The following SYNPR variants were observed in gnomAD, a reference collection of about 807,000 sequenced individuals.
SYNPR encodes synaptoporin.
Under a neutral mutation model 32.9 loss-of-function variants are expected in SYNPR, and 23 were observed. That is an observed-to-expected ratio of 0.70 (90% confidence interval 0.50 to 0.99). The LOEUF is 0.99. SYNPR is among the 50% of genes least tolerant of loss of function. The probability of loss-of-function intolerance (pLI) is 0.00; values close to 1 mark genes in which losing one functional copy is unlikely to be tolerated. For synonymous variants in SYNPR, 146 were observed against 135.9 expected (o/e 1.07, Z -0.52); for missense variants, 318 against 349.3 (o/e 0.91, Z 0.71).
chr3:63,341,320 T>C (rs1209285185), intron 2 of SYNPR, among the ~76,000 whole-genome samples: 2 of 151,446 alleles, frequency 1.3e-5, no homozygotes, highest in Non-Finnish European at 1.5e-5. Flanking sequence ...TCCAGTTTGG[T>C]GGACAGTTTT....
Position 63,606,417 on chromosome 3 carries a change from C to CTTTTTTTTTTTT in SYNPR, c.409-2697_409-2686dup, listed in dbSNP as rs61299069. Among the ~76,000 whole-genome samples, 90 of 68,278 alleles carry CTTTTTTTTTTTT rather than the reference C, an allele frequency of 1.3e-3. 18 individuals carry two copies. Among genetic ancestry groups the CTTTTTTTTTTTT allele is most frequent in the South Asian group, 2.8e-3 (4 of 1,436 alleles). 44.8% of individuals were successfully genotyped at this position (68,278 alleles called of 152,430 possible). On this transcript the variant is annotated intron_variant, in intron 4 of 5. Coordinates refer to ENST00000478300, the MANE Select transcript of SYNPR (RefSeq NM_001130003.2). Reference sequence around the variant, plus strand: ...AATTAAGCAGGACCTCAAATCCTTTCTTTTTTTTTTTTTTTTTTTTTTAGC... The same window carrying CTTTTTTTTTTTT: ...AATTAAGCAGGACCTCAAATCCTTTCTTTTTTTTTTTTTTTTTTTTTTTTTTTTTTTTTTAGC...
intron 3 of SYNPR, among the ~76,000 whole-genome samples, chr3:63,481,724 G>A (rs1350664561): frequency 6.6e-6 from 1 of 152,168 alleles, no homozygotes; most frequent in Non-Finnish European, 1.5e-5. Flanking sequence ...GCTGGTGGAA[G>A]TGGACGTGCA....
intron 2 of SYNPR, among the ~76,000 whole-genome samples, chr3:63,415,353 G>T (rs764860011): frequency 6.6e-6 from 1 of 151,500 alleles, no homozygotes; most frequent in African/African-American, 2.4e-5. Context: ...GTCTAGACCA[G>T]AGACTGGCAA....
At chr3:63,443,693 A>G (rs1318504728) in intron 2 of SYNPR, among the ~76,000 whole-genome samples, 1 of 152,216 alleles carries the variant, frequency 6.6e-6, no homozygotes, top group Admixed American at 6.5e-5. Context: ...CTGTTTAAGT[A>G]TGTGCTGGGT....
intron 2 of SYNPR, among the ~76,000 whole-genome samples, chr3:63,431,175 A>G (rs1266523595): frequency 6.6e-6 from 1 of 152,230 alleles, no homozygotes; most frequent in Non-Finnish European, 1.5e-5. Context: ...TACTTCACTA[A>G]CAAGATATAT....
chr3:63,558,210 T>A (rs75112178), intron 4 of SYNPR, among the ~76,000 whole-genome samples: 2,276 of 152,340 alleles, frequency 0.015, 24 homozygotes, highest in Middle Eastern at 0.037. Flanking sequence ...TCCCAGCCTG[T>A]AGACTATGTG....
At chr3:63,245,827 A>G (rs1393675108) in intron 1 of SYNPR, among the ~76,000 whole-genome samples, 1 of 151,162 alleles carries the variant, frequency 6.6e-6, no homozygotes, top group Non-Finnish European at 1.5e-5. Flanking sequence ...CTGTAATGGG[A>G]ATATTCTGAC....
intron 3 of SYNPR, among the ~76,000 whole-genome samples, chr3:63,517,446 G>A (rs959598135): frequency 2.0e-5 from 3 of 151,978 alleles, no homozygotes; most frequent in African/African-American, 7.2e-5. Context: ...GTACTGAAAA[G>A]CACAAAAAAG....
chr3:63,481,588 G>C (rs938184059), intron 3 of SYNPR, among the ~76,000 whole-genome samples: 2 of 152,024 alleles, frequency 1.3e-5, no homozygotes, highest in Non-Finnish European at 2.9e-5. Context: ...TTTAAGAGTA[G>C]AGCTGACAAA....
intron 2 of SYNPR, among the ~76,000 whole-genome samples, chr3:63,364,294 G>A (rs540004176): frequency 7.2e-5 from 11 of 152,242 alleles, no homozygotes; most frequent in African/African-American, 1.9e-4. Flanking sequence ...TCAGATATTG[G>A]TGATGCTTTT....
chr3:63,594,887 T>C (rs1009108435), intron 4 of SYNPR, among the ~76,000 whole-genome samples: 3 of 152,138 alleles, frequency 2.0e-5, no homozygotes, highest in African/African-American at 4.8e-5. Flanking sequence ...ATTGAAAATA[T>C]AGGCAGCCTG....
chr3:63,208,699 T>C, the SYNPR span, among the ~76,000 whole-genome samples: 1 of 152,190 alleles, frequency 6.6e-6, no homozygotes, highest in Non-Finnish European at 1.5e-5. Context: ...GCAAACTCTG[T>C]TTCTCTCTTG....
At chr3:63,313,411 C>A (rs2086990337) in intron 2 of SYNPR, among the ~76,000 whole-genome samples, 1 of 151,570 alleles carries the variant, frequency 6.6e-6, no homozygotes, top group Non-Finnish European at 1.5e-5. Context: ...ATTATTCTTA[C>A]ACCTTTGCAT....
intron 4 of SYNPR, among the ~76,000 whole-genome samples, chr3:63,576,034 G>A (rs1198188557): frequency 6.6e-6 from 1 of 151,966 alleles, no homozygotes; most frequent in Non-Finnish European, 1.5e-5. Context: ...TTAACTTTAG[G>A]TAGAATAACT....
chr3:63,407,391 T>C (rs964471264), intron 2 of SYNPR, among the ~76,000 whole-genome samples: 3 of 152,198 alleles, frequency 2.0e-5, no homozygotes, highest in Admixed American at 2.0e-4. Flanking sequence ...TGTAATATAG[T>C]GGTCGAATCT....
At chr3:63,324,653 T>C (rs1575598511) in intron 2 of SYNPR, among the ~76,000 whole-genome samples, 1 of 152,086 alleles carries the variant, frequency 6.6e-6, no homozygotes, top group East Asian at 1.9e-4. Flanking sequence ...TAGTATTGGG[T>C]TTATAAATTA....
intron 2 of SYNPR, among the ~76,000 whole-genome samples, chr3:63,469,060 G>A (rs1700745210): frequency 6.6e-6 from 1 of 151,954 alleles, no homozygotes; most frequent in Non-Finnish European, 1.5e-5. Context: ...AAATACAACT[G>A]TGATTGATAA....
rs879926522 is a variant in SYNPR, at chr3:63,508,230, C to CCCTT, written c.209+27284_209+27287dup. ...TTTGTTCTTTCTTGCTGTAGACTCA[C>CCCTT]CCTTCCTTCCTTCATTCATTCACCT... On this transcript the variant is annotated intron_variant, in intron 3 of 5. Coordinates refer to ENST00000478300, the MANE Select transcript of SYNPR (RefSeq NM_001130003.2). 3.9e-5 allele frequency among the ~76,000 whole-genome samples: 6 copies of CCCTT among 152,236 alleles called. No individual in the cohort carries two copies. In the East Asian group the frequency reaches 5.8e-4, roughly 15 times the overall value.
At chr3:63,297,412 C>G (rs532533136) in intron 2 of SYNPR, among the ~76,000 whole-genome samples, 1 of 152,038 alleles carries the variant, frequency 6.6e-6, no homozygotes, top group African/African-American at 2.4e-5. Flanking sequence ...AACGAATGAC[C>G]TTTTTTATTT....
Sources: allele counts gnomAD v4.1 joint callset (sites outside exome capture counted in the v4.1 genomes callset), GRCh38; gene constraint gnomAD v4.1.1; transcripts MANE v1.5; gene names NCBI Gene and HGNC (gene_info 2026-07-23, HGNC 2026-07-21).